The following LARGE1 variants were observed in gnomAD, a reference collection of about 807,000 sequenced individuals.
LARGE1 encodes xylosyl- and glucuronyltransferase LARGE1.
In LARGE1, 43 loss-of-function variants were observed where a neutral mutation model predicts 87.6. That is an observed-to-expected ratio of 0.49 (90% CI 0.38 to 0.63). LARGE1 has a LOEUF of 0.63. LARGE1 is among the 30% of genes least tolerant of loss of function. The probability of loss-of-function intolerance (pLI) is 0.00; values close to 1 mark genes in which losing one functional copy is unlikely to be tolerated. For missense variants in LARGE1, 802 were observed against 1,000.2 expected (o/e 0.80, Z 2.67); for synonymous variants, 434 against 394.6 (o/e 1.10, Z -1.18).
chr22:33,414,090 A>G (rs892694521), intron 7 of LARGE1, among the ~76,000 whole-genome samples: 10 of 152,078 alleles, frequency 6.6e-5, no homozygotes, highest in African/African-American at 2.2e-4. Flanking sequence ...TGGTAATTCT[A>G]TTTTTAATTT....
intron 7 of LARGE1, among the ~76,000 whole-genome samples, chr22:33,421,784 C>T (rs1341366468): frequency 6.6e-6 from 1 of 152,174 alleles, no homozygotes; most frequent in Non-Finnish European, 1.5e-5. Flanking sequence ...GCCAGGACTA[C>T]AGAAGGCAAG....
intron 1 of LARGE1, among the ~76,000 whole-genome samples, chr22:33,805,594 C>T (rs186521780): frequency 6.6e-6 from 1 of 152,096 alleles, no homozygotes; most frequent in Admixed American, 6.6e-5. Context: ...ATTAGCTGGG[C>T]ATGATGGCAG....
intron 1 of LARGE1, among the ~76,000 whole-genome samples, chr22:33,827,605 C>T (rs1441953170): frequency 1.3e-5 from 2 of 152,154 alleles, no homozygotes; most frequent in East Asian, 1.9e-4. Context: ...ACATCTGTCC[C>T]ATCGTGGCCA....
intron 10 of LARGE1, among the ~76,000 whole-genome samples, chr22:33,324,280 AGC>A (rs1937041243): frequency 8.1e-6 from 1 of 123,370 alleles, no homozygotes; most frequent in African/African-American, 3.6e-5. Flanking sequence ...AAAAACAAAA[AGC>A]CAAAAACAAA....
chr22:33,079,273 G>A, the LARGE1 span, among the ~76,000 whole-genome samples: 3 of 142,420 alleles, frequency 2.1e-5, no homozygotes, highest in Non-Finnish European at 4.5e-5. Flanking sequence ...TGTCACCCAG[G>A]CTGGAGGACA....
intron 6 of LARGE1, among the ~76,000 whole-genome samples, chr22:33,550,764 C>T (rs1021144688): frequency 1.3e-5 from 2 of 152,306 alleles, no homozygotes; most frequent in East Asian, 3.9e-4. Flanking sequence ...CACAACACTA[C>T]TCACAATAGC....
chr22:33,501,748 C>T lies in LARGE1; in HGVS notation c.787+63100G>A, dbSNP rs146002945. Among the ~76,000 whole-genome samples the T allele has an allele frequency of 4.0e-3, 613 of 152,276 alleles. 4 individuals are homozygous for T. The highest frequency in any genetic ancestry group is 0.023 in the South Asian group (109 of 4,824). On this transcript the variant is annotated intron_variant, in intron 6 of 14. Coordinates refer to ENST00000397394, the MANE Select transcript of LARGE1 (RefSeq NM_133642.5). ...CACCCAGGCATGATGTGGGTGATGCCGTCCTTCGAGCCCAAAGCAAGTGAT... is the reference window on the plus strand; with the variant it reads ...CACCCAGGCATGATGTGGGTGATGCTGTCCTTCGAGCCCAAAGCAAGTGAT...
intron 9 of LARGE1, among the ~76,000 whole-genome samples, chr22:33,362,435 A>G (rs2064420720): frequency 6.7e-6 from 1 of 149,704 alleles, no homozygotes; most frequent in Non-Finnish European, 1.5e-5. Flanking sequence ...CAAAGGATAT[A>G]CACTTTTGCC....
At chr22:33,528,470 T>C (rs554868250) in intron 6 of LARGE1, among the ~76,000 whole-genome samples, 19 of 152,154 alleles carry the variant, frequency 1.2e-4, no homozygotes, top group Non-Finnish European at 2.5e-4. Flanking sequence ...CCTTCATGTG[T>C]CTCATGAACA....
chr22:33,263,972 C>T (rs761321342), intron 11 of LARGE1, among the ~76,000 whole-genome samples: 84 of 152,318 alleles, frequency 5.5e-4, no homozygotes, highest in African/African-American at 1.8e-3. Context: ...CTTTGATCTG[C>T]CCCTCTGTAA....
At chr22:33,164,814 G>C (rs923643495) in exon 12 of LARGE1, 1 of 151,690 alleles carries the variant, frequency 6.6e-6, no homozygotes, top group Non-Finnish European at 1.5e-5. Flanking sequence ...CACTGCGCTC[G>C]GCCAAGACAA....
intron 1 of LARGE1, among the ~76,000 whole-genome samples, chr22:33,904,601 C>G (rs1300082617): frequency 6.6e-6 from 1 of 152,188 alleles, no homozygotes; most frequent in African/African-American, 2.4e-5. Flanking sequence ...GAAGGCAGAG[C>G]CAGGCGTGGG....
intron 1 of LARGE1, among the ~76,000 whole-genome samples, chr22:33,781,703 C>A (rs541403911): frequency 2.0e-5 from 3 of 152,204 alleles, no homozygotes; most frequent in African/African-American, 7.2e-5. Context: ...TAATACTTAT[C>A]TAGCACTTAG....
At chr22:33,452,013 G>A (rs923428208) in intron 6 of LARGE1, among the ~76,000 whole-genome samples, 1 of 152,140 alleles carries the variant, frequency 6.6e-6, no homozygotes, top group African/African-American at 2.4e-5. Flanking sequence ...GTCAGAGATC[G>A]CATTCCAACC....
chr22:33,683,389 G>A (rs1260628778), intron 2 of LARGE1, among the ~76,000 whole-genome samples: 2 of 152,264 alleles, frequency 1.3e-5, no homozygotes, highest in African/African-American at 4.8e-5. Flanking sequence ...TGAGTCTGTT[G>A]GCTTTCAGAC....
chr22:33,182,490 T>C (rs1359944075), intron 11 of LARGE1, among the ~76,000 whole-genome samples: 1 of 152,130 alleles, frequency 6.6e-6, no homozygotes, highest in African/African-American at 2.4e-5. Flanking sequence ...GAATAGTCTT[T>C]TAAAAAATAG....
At chr22:33,392,003 T>A (rs1311464145) in intron 7 of LARGE1, among the ~76,000 whole-genome samples, 1 of 151,922 alleles carries the variant, frequency 6.6e-6, no homozygotes, top group Non-Finnish European at 1.5e-5. Context: ...ACTCCTGACC[T>A]CATGATCCAC....
intron 11 of LARGE1, among the ~76,000 whole-genome samples, chr22:33,305,792 C>T (rs78244998): frequency 0.024 from 3,699 of 151,914 alleles, 140 homozygotes; most frequent in African/African-American, 0.086. Context: ...CATTTCTCAT[C>T]CATTATAATG....
chr22:33,406,273 GC>G, intron 7 of LARGE1, among the ~76,000 whole-genome samples: 1 of 152,128 alleles, frequency 6.6e-6, no homozygotes, highest in African/African-American at 2.4e-5. Flanking sequence ...AGCCTGGCGT[GC>G]CCCCTCCACC....
Sources: allele counts gnomAD v4.1 joint callset (sites outside exome capture counted in the v4.1 genomes callset), GRCh38; gene constraint gnomAD v4.1.1; transcripts MANE v1.5; gene names NCBI Gene and HGNC (gene_info 2026-07-23, HGNC 2026-07-21).